ADAMTSL1: variants seen among roughly 807,000 people sequenced by gnomAD.
ADAMTSL1 encodes the protein ADAMTS like 1, also known as ADAMTS-like protein 1.
A neutral mutation model predicts 201.8 loss-of-function variants in ADAMTSL1; 126 were observed. The observed-to-expected ratio is 0.62, with a 90% CI of 0.54 to 0.72. ADAMTSL1 has a LOEUF of 0.72. ADAMTSL1 is among the 30% of genes least tolerant of loss of function. The pLI is 0.00. For synonymous variants in ADAMTSL1, 1,121 were observed against 903.4 expected, an observed-to-expected ratio of 1.24 and a Z score of -4.32; for missense variants, 2,679 against 2,277.8, an observed-to-expected ratio of 1.18 and a Z score of -3.59.
chr9:18,154,126 C>T (rs1257506509), intron 1 of ADAMTSL1, among the ~76,000 whole-genome samples: 2 of 151,944 alleles, frequency 1.3e-5, no homozygotes, highest in Non-Finnish European at 2.9e-5. Flanking sequence ...GAAAGAAAAG[C>T]ACCCCTTTTT....
chr9:18,447,695 C>T (rs1820247447), intron 2 of ADAMTSL1, among the ~76,000 whole-genome samples: 1 of 152,298 alleles, frequency 6.6e-6, no homozygotes, highest in Middle Eastern at 3.4e-3. Flanking sequence ...CTTTGCTAGA[C>T]CCTTTCTGAA....
chr9:18,773,014 C>T (rs930611657), intron 17 of ADAMTSL1, among the ~76,000 whole-genome samples: 2 of 152,190 alleles, frequency 1.3e-5, no homozygotes, highest in East Asian at 1.9e-4. Flanking sequence ...TATTGAAGTG[C>T]TCCTGGAGGT....
In ADAMTSL1 at chr9:18,744,583, C is replaced by G. The variant is rs770389587; in HGVS notation, c.2007-8715C>G. On this transcript the variant is annotated intron_variant, in intron 15 of 28. Transcript: ENST00000380548. The stretch of plus-strand genomic sequence containing the variant: ...GGCTAATACTTACAGAGCCCTTCAT[C>G]TGTACCAGGCCCTGGGTTTCACCCT... 2.6e-5 allele frequency among the ~76,000 whole-genome samples: 4 copies of G among 152,250 alleles called. No individual in the cohort carries two copies. The South Asian group carries it at 6.2e-4, about 24-fold the overall frequency.
chr9:18,840,875 T>C (rs1220313077), intron 23 of ADAMTSL1, among the ~76,000 whole-genome samples: 4 of 148,632 alleles, frequency 2.7e-5, no homozygotes, highest in African/African-American at 5.0e-5. Context: ...GTGATTTTTG[T>C]ACATTGATTT....
chr9:18,216,572 G>GGCAGTGGAGCCAGCATA (rs1830062649), intron 2 of ADAMTSL1, among the ~76,000 whole-genome samples: 1 of 151,858 alleles, frequency 6.6e-6, no homozygotes, highest in Non-Finnish European at 1.5e-5. Flanking sequence ...CTAAAGCCAA[G>GGCAGTGGAGCCAGCATA]GCAGTGGAGC....
chr9:18,651,639 A>G (rs189715385), intron 7 of ADAMTSL1, among the ~76,000 whole-genome samples: 10 of 152,310 alleles, frequency 6.6e-5, no homozygotes, highest in Non-Finnish European at 1.5e-4. Context: ...TAGTTGGAAA[A>G]TTTGGTTAGG....
At chr9:18,642,622 G>A (rs1256891817) in intron 7 of ADAMTSL1, among the ~76,000 whole-genome samples, 2 of 151,692 alleles carry the variant, frequency 1.3e-5, no homozygotes, top group Non-Finnish European at 2.9e-5. Context: ...ATTCTACTCT[G>A]TGTTTCTATT....
intron 1 of ADAMTSL1, among the ~76,000 whole-genome samples, chr9:18,029,023 A>G (rs1054158597): frequency 6.6e-6 from 1 of 152,122 alleles, no homozygotes; most frequent in African/African-American, 2.4e-5. Context: ...CTTTGAAGCA[A>G]TTGTGAATGG....
chr9:18,219,589 G>A (rs1163295542), intron 2 of ADAMTSL1, among the ~76,000 whole-genome samples: 2 of 151,892 alleles, frequency 1.3e-5, no homozygotes, highest in African/African-American at 4.8e-5. Context: ...GGCTGGTCTC[G>A]AACTCCTGAC....
intron 3 of ADAMTSL1, among the ~76,000 whole-genome samples, chr9:18,543,076 C>G (rs996998728): frequency 1.4e-4 from 22 of 152,196 alleles, no homozygotes; most frequent in Admixed American, 1.3e-3. Flanking sequence ...ACTATCATGG[C>G]TTGGCTGTTC....
intron 2 of ADAMTSL1, among the ~76,000 whole-genome samples, chr9:18,515,516 G>A (rs897387502): frequency 6.6e-6 from 1 of 152,078 alleles, no homozygotes; most frequent in Non-Finnish European, 1.5e-5. Context: ...TGTATTTTTT[G>A]TAGAGACAGG....
chr9:18,275,524 C>T (rs994961407), intron 2 of ADAMTSL1, among the ~76,000 whole-genome samples: 5 of 152,158 alleles, frequency 3.3e-5, no homozygotes, highest in Non-Finnish European at 5.9e-5. Context: ...TCCCTAATCT[C>T]ACCTTAGCCC....
At chr9:18,169,939 T>C (rs1827815835) in intron 2 of ADAMTSL1, among the ~76,000 whole-genome samples, 1 of 151,982 alleles carries the variant, frequency 6.6e-6, no homozygotes, top group Non-Finnish European at 1.5e-5. Flanking sequence ...CAACTATAAC[T>C]TGAGTTGGCT....
chr9:18,506,169 C>T (rs143369917), intron 2 of ADAMTSL1, among the ~76,000 whole-genome samples: 1,533 of 152,252 alleles, frequency 0.01, 21 homozygotes, highest in African/African-American at 0.03. Context: ...AGGCCAGCTT[C>T]GAATCAACGA....
chr9:18,416,650 T>G (rs1399955316), intron 2 of ADAMTSL1, among the ~76,000 whole-genome samples: 4 of 152,000 alleles, frequency 2.6e-5, no homozygotes, highest in African/African-American at 9.7e-5. Context: ...GCAAAACAGA[T>G]GTCACATTAA....
At position 18,721,597 on chromosome 9, in the gene ADAMTSL1, C is replaced by T. The variant is rs1338782279; in HGVS notation, c.1938C>T (p.Asn646=). 3.1e-6 allele frequency: 5 copies of T among 1,613,858 alleles called. No individual in the cohort carries two copies. In the South Asian group the frequency reaches 4.4e-5, roughly 14 times the overall value. ...NKQTREPAEE[N]LCVTSRRPPQ... is the part of the protein sequence containing the mutation. The stretch of plus-strand genomic sequence containing the variant: ...AGACTCGGGAGCCTGCTGAGGAGAA[C>T]CTGTGCGTGACCAGCCGCCGGCCCC... The change falls in exon 15 of 29, where the codon AAC becomes AAT. Residue 646 remains asparagine, a synonymous_variant. Coordinates refer to ENST00000380548, the MANE Select transcript of ADAMTSL1 (RefSeq NM_001040272.6).
intron 19 of ADAMTSL1, among the ~76,000 whole-genome samples, chr9:18,785,186 C>G (rs1817591893): frequency 6.6e-6 from 1 of 151,810 alleles, no homozygotes; most frequent in African/African-American, 2.4e-5. Flanking sequence ...CTTAATGGAG[C>G]TGGGATTTGA....
chr9:18,159,336 T>C (rs1827289498), intron 1 of ADAMTSL1, among the ~76,000 whole-genome samples: 1 of 152,028 alleles, frequency 6.6e-6, no homozygotes, highest in African/African-American at 2.4e-5. Flanking sequence ...AGCTTGGCTA[T>C]GATTCAGTTT....
intron 3 of ADAMTSL1, among the ~76,000 whole-genome samples, chr9:18,567,466 A>C (rs1454303720): frequency 6.6e-6 from 1 of 152,186 alleles, no homozygotes; most frequent in Admixed American, 6.5e-5. Flanking sequence ...AAAAAAGAAA[A>C]AACAAAAAGG....
Sources: allele counts gnomAD v4.1 joint callset (sites outside exome capture counted in the v4.1 genomes callset), GRCh38; gene constraint gnomAD v4.1.1; transcripts MANE v1.5; gene names NCBI Gene and HGNC (gene_info 2026-07-23, HGNC 2026-07-21).